MLANA: variants seen among roughly 807,000 people sequenced by gnomAD.
MLANA encodes the protein melanoma antigen recognized by T-cells 1.
A neutral mutation model predicts 15.7 loss-of-function variants in MLANA; 21 were observed. The ratio of observed to expected loss-of-function variants is 1.33; its 90% CI spans 0.95 to 1.92. The LOEUF (loss-of-function observed/expected upper bound fraction) is 1.92, where lower values mean the gene tolerates loss of function less well. Ranked by LOEUF, MLANA falls within the 40% of genes most tolerant of loss-of-function variation. MLANA has a pLI of 0.00. For synonymous variants in MLANA, 56 were observed against 51.5 expected (o/e 1.09, Z -0.37); for missense variants, 164 against 143.8 (o/e 1.14, Z -0.72).
intron 4 of MLANA, among the ~76,000 whole-genome samples, chr9:5,908,294 C>CGATCTCT (rs1467999148): frequency 1.3e-5 from 2 of 152,152 alleles, no homozygotes; most frequent in African/African-American, 4.8e-5. Flanking sequence ...ACAATTACAA[C>CGATCTCT]GATCTCTGTG....
At chr9:5,907,029 C>A in intron 4 of MLANA, 31 bp downstream of exon 4, 2 of 1,379,884 alleles carry the variant, frequency 1.4e-6, no homozygotes, top group Non-Finnish European at 2.0e-6. Context: ...AGGGTATTTT[C>A]ATGAATGGCT....
chr9:5,896,178 T>C (rs1193717486), intron 2 of MLANA, among the ~76,000 whole-genome samples: 3 of 152,236 alleles, frequency 2.0e-5, no homozygotes, highest in African/African-American at 7.2e-5. Context: ...CCCTGGGCAC[T>C]TGACCAGCAT....
chr9:5,900,434 G>C (rs1220180652), intron 3 of MLANA, among the ~76,000 whole-genome samples: 1 of 152,066 alleles, frequency 6.6e-6, no homozygotes, highest in African/African-American at 2.4e-5. Context: ...AGTCAGTTTG[G>C]AGATCAGCAG....
chr9:5,897,771 C>T (rs1289647179), intron 3 of MLANA, 118 bp downstream of exon 3: 18 of 900,076 alleles, frequency 2.0e-5, no homozygotes, highest in Admixed American at 1.4e-4. Context: ...GCTCTGATTC[C>T]GGCTTCTGAT....
At chr9:5,907,096 T>G in intron 4 of MLANA, 98 bp downstream of exon 4, 1 of 776,488 alleles carries the variant, frequency 1.3e-6, no homozygotes, top group Non-Finnish European at 2.0e-6. Flanking sequence ...ACAATGTGAA[T>G]GTACTCATTG....
At chr9:5,898,556 A>T (rs1832197453) in intron 3 of MLANA, among the ~76,000 whole-genome samples, 1 of 152,084 alleles carries the variant, frequency 6.6e-6, no homozygotes, top group African/African-American at 2.4e-5. Flanking sequence ...CTTTGGTTCT[A>T]CTCATAGCAG....
chr9:5,899,674 C>G (rs1053411356), intron 3 of MLANA, among the ~76,000 whole-genome samples: 8 of 152,216 alleles, frequency 5.3e-5, no homozygotes, highest in African/African-American at 1.9e-4. Flanking sequence ...ATTTGTAACT[C>G]TAGCATGGGG....
chr9:5,910,068 G>A lies in MLANA; in HGVS notation c.*1360G>A, dbSNP rs950236697. 2 of 152,178 alleles carry A rather than the reference G, an allele frequency of 1.3e-5. No individual in the cohort carries two copies. The highest frequency in any genetic ancestry group is 4.8e-5 in the African/African-American group (2 of 41,440). 9.4% of individuals were successfully genotyped at this position (152,178 alleles called of 1,614,324 possible). ...ACCTAAGAAAATACTAATGGTCACA[G>A]AAGGCTATGAACCTGAGACCTGCTC... On this transcript the variant is annotated 3_prime_UTR_variant, in exon 5 of 5. Transcript: ENST00000381477.
At position 5,897,631 on chromosome 9, in the gene MLANA, G is replaced by T. The variant is rs142544535; in HGVS notation, c.152G>T (p.Arg51Leu). Reference sequence around the variant, plus strand: ...ATCGGCTGTTGGTATTGTAGAAGACGAAATGGATACAGAGCCTTGATGGTT... The same window carrying T: ...ATCGGCTGTTGGTATTGTAGAAGACTAAATGGATACAGAGCCTTGATGGTT... ...LLIGCWYCRR[R>L]NGYRALMDKS... Residue 51 changes from arginine to leucine, a missense_variant, in exon 3 of 5, where the codon CGA (arginine) becomes CTA (leucine). Transcript: ENST00000381477. The T allele has an allele frequency of 1.9e-6, 3 of 1,614,022 alleles. No individual in the cohort carries two copies. In the South Asian group the frequency reaches 3.3e-5, roughly 18 times the overall value.
At chr9:5,891,434 G>T (rs1469666643) in intron 1 of MLANA, 1 of 152,118 alleles carries the variant, frequency 6.6e-6, no homozygotes, top group Non-Finnish European at 1.5e-5. Flanking sequence ...TTTACAACTG[G>T]GAAGGGCAAA....
intron 4 of MLANA, chr9:5,907,284 G>T: frequency 4.9e-6 from 1 of 205,614 alleles, no homozygotes; most frequent in Non-Finnish European, 9.6e-6. Flanking sequence ...AAGATTCAAA[G>T]GAAGAATTTA....
Position 5,904,964 on chromosome 9 carries a change from G to T in MLANA, c.175-1921G>T, listed in dbSNP as rs561673483. On this transcript the variant is annotated intron_variant, in intron 3 of 4. Transcript: ENST00000381477. ...AATTTTTTGTATTTATAGTAGAGAT[G>T]TCATTTCACTGTGTTAGCCAGGATG... is the stretch of plus-strand genomic sequence containing the variant. 2.0e-5 allele frequency among the ~76,000 whole-genome samples: 3 copies of T among 151,840 alleles called. No homozygotes were observed. The South Asian group carries it at 6.2e-4, about 32-fold the overall frequency.
chr9:5,908,866 C>T lies in MLANA; in HGVS notation c.*158C>T. The T allele has an allele frequency of 3.3e-6, 2 of 613,808 alleles. No homozygotes were observed. The allele number at this position is 613,808 out of a possible 1,614,324, so 38.0% of individuals were successfully genotyped here. On this transcript the variant is annotated 3_prime_UTR_variant, in exon 5 of 5. Coordinates refer to ENST00000381477, the MANE Select transcript of MLANA (RefSeq NM_005511.2). Reference sequence around the variant, plus strand: ...GTTAAAATTTTAGTAGGTCCGCTAGCAGTACTAATCATGTGAGGAAATGAT... The same window carrying T: ...GTTAAAATTTTAGTAGGTCCGCTAGTAGTACTAATCATGTGAGGAAATGAT...
chr9:5,901,578 G>A (rs572261614), intron 3 of MLANA, among the ~76,000 whole-genome samples: 3 of 151,990 alleles, frequency 2.0e-5, no homozygotes, highest in Non-Finnish European at 2.9e-5. Flanking sequence ...GAGTGCAGTG[G>A]CTCAATCTCA....
chr9:5,892,928 A>G (rs908570310), intron 2 of MLANA, among the ~76,000 whole-genome samples: 1 of 152,218 alleles, frequency 6.6e-6, no homozygotes, highest in African/African-American at 2.4e-5. Flanking sequence ...CAGACAGAAT[A>G]AAAGTGAGTT....
rs1313335868 is a variant in MLANA at position 5,894,354 on chromosome 9, G to A, written c.77+1803G>A. On this transcript the variant is annotated intron_variant, in intron 2 of 4. Transcript: ENST00000381477. This position sits in a 1 kb window ranked among gnomAD's most constrained non-coding sequence, Gnocchi z 4.0. ...ATAAGAAGCTGGTTAAACAGGCATGGGACTGAGACTGAGGAGGCAAAGAAG... is the reference window on the plus strand; with the variant it reads ...ATAAGAAGCTGGTTAAACAGGCATGAGACTGAGACTGAGGAGGCAAAGAAG... 6.6e-6 allele frequency among the ~76,000 whole-genome samples: 1 copy of A among 152,094 alleles called. No individual in the cohort carries two copies. Among genetic ancestry groups the A allele is most frequent in the East Asian group, 1.9e-4 (1 of 5,190 alleles).
chr9:5,897,790 T>C (rs962385675), intron 3 of MLANA, 137 bp downstream of exon 3: 1 of 766,224 alleles, frequency 1.3e-6, no homozygotes, highest in African/African-American at 1.7e-5. Flanking sequence ...ATGCCTCTTT[T>C]GCTACATTGT....
In MLANA at chr9:5,894,760, G is replaced by C. The variant is rs1434640913; in HGVS notation, c.77+2209G>C. ...GAGCTGCTCCTTCTTGATGCCCCAG[G>C]TTTGTAGGCACCCTCTAGAGTACTC... On this transcript the variant is annotated intron_variant, in intron 2 of 4. Coordinates refer to ENST00000381477, the MANE Select transcript of MLANA (RefSeq NM_005511.2). The surrounding 1 kb of genome is among the most constrained non-coding windows in gnomAD (Gnocchi z 4.0). Among the ~76,000 whole-genome samples, 1 of 152,168 alleles carries C rather than the reference G, an allele frequency of 6.6e-6. No homozygotes were observed. Among genetic ancestry groups the C allele is most frequent in the Non-Finnish European group, 1.5e-5 (1 of 68,024 alleles).
intron 3 of MLANA, chr9:5,897,969 A>T (rs2129925769): frequency 3.6e-6 from 1 of 278,368 alleles, no homozygotes; most frequent in African/African-American, 2.1e-5. Flanking sequence ...TCTAGGGGCC[A>T]CACCTGGTGA....
Sources: allele counts gnomAD v4.1 joint callset (sites outside exome capture counted in the v4.1 genomes callset), GRCh38; gene constraint gnomAD v4.1.1; non-coding constraint Gnocchi (gnomAD v3.1); transcripts MANE v1.5; gene names NCBI Gene and HGNC (gene_info 2026-07-23, HGNC 2026-07-21).